EIF4E3: variants seen among roughly 807,000 people sequenced by gnomAD.
EIF4E3 encodes the protein eukaryotic translation initiation factor 4E type 3.
EIF4E3 carries 26 observed loss-of-function variants against 31.7 expected under a neutral mutation model. The observed-to-expected ratio is 0.82, with a 90% CI of 0.60 to 1.14. The LOEUF (loss-of-function observed/expected upper bound fraction) is 1.14, where lower values mean the gene tolerates loss of function less well. Among genes scored for constraint, EIF4E3 ranks in the 50% most tolerant of loss-of-function variants. The probability of loss-of-function intolerance (pLI) is 0.00; values close to 1 mark genes in which losing one functional copy is unlikely to be tolerated. For synonymous variants in EIF4E3, 128 were observed against 107.7 expected, an observed-to-expected ratio of 1.19 and a Z score of -1.17; for missense variants, 304 against 270.9, an observed-to-expected ratio of 1.12 and a Z score of -0.86.
Position 71,684,614 on chromosome 3 carries a change from T to G in EIF4E3, c.*68A>C, listed in dbSNP as rs1289471741. The G allele has an allele frequency of 6.3e-7, 1 of 1,592,174 alleles. No homozygotes were observed. Among genetic ancestry groups the G allele is most frequent in the East Asian group, 2.2e-5 (1 of 44,664 alleles). On this transcript the variant is annotated 3_prime_UTR_variant, in exon 7 of 7. Transcript: ENST00000425534. ...CGGCTTCGGCAAGTCTTCTCTTCAC[T>G]CTCCCTCCTGTTAAGACCGTTTCCA...
At chr3:71,750,182 G>A (rs1167712346) in intron 1 of EIF4E3, among the ~76,000 whole-genome samples, 2 of 152,088 alleles carry the variant, frequency 1.3e-5, no homozygotes, top group Non-Finnish European at 2.9e-5. Context: ...CCCCATTTGG[G>A]AGACATAATC....
At chr3:71,728,772 C>T (rs1450292933), upstream of EIF4E3, 2 of 152,310 alleles carry the variant, frequency 1.3e-5, no homozygotes, top group Non-Finnish European at 2.9e-5. Context: ...GTGTGGTCTG[C>T]TCCCCTGACA....
chr3:71,722,809 G>A (rs1208490102), intron 1 of EIF4E3, among the ~76,000 whole-genome samples: 1 of 152,178 alleles, frequency 6.6e-6, no homozygotes, highest in Non-Finnish European at 1.5e-5. Flanking sequence ...GGTAGCTGGG[G>A]AGCATGGTAA....
intron 1 of EIF4E3, among the ~76,000 whole-genome samples, chr3:71,715,521 A>G (rs2049451553): frequency 6.6e-6 from 1 of 152,234 alleles, no homozygotes; most frequent in African/African-American, 2.4e-5. Flanking sequence ...TGAGGGAGGA[A>G]CATACATGCT....
At chr3:71,726,964 C>T (rs542341907), upstream of EIF4E3, among the ~76,000 whole-genome samples, 8 of 152,222 alleles carry the variant, frequency 5.3e-5, no homozygotes, top group South Asian at 1.7e-3. Context: ...TCATTTAATC[C>T]TTACAATAAG....
the EIF4E3 span, among the ~76,000 whole-genome samples, chr3:71,662,456 G>A: frequency 1.3e-5 from 2 of 152,308 alleles, no homozygotes; most frequent in Admixed American, 1.3e-4. Flanking sequence ...CTCATATATT[G>A]AAAGTGCTAT....
intron 1 of EIF4E3, among the ~76,000 whole-genome samples, chr3:71,735,364 A>G (rs540560965): frequency 6.6e-6 from 1 of 152,330 alleles, no homozygotes; most frequent in South Asian, 2.1e-4. Context: ...ATATAAATCT[A>G]TTGATGCATA....
chr3:71,684,540 CT>C lies in EIF4E3; in HGVS notation c.*141del. The C allele has an allele frequency of 1.2e-6, 1 of 812,668 alleles. No homozygotes were observed. The highest frequency in any genetic ancestry group is 2.3e-5 in the South Asian group (1 of 43,658). The allele number at this position is 812,668 out of a possible 1,614,324, so 50.3% of individuals were successfully genotyped here. A position where few individuals can be genotyped will look rare whatever the true frequency, so the allele number is the denominator to read the frequency against. Reference sequence around the variant, plus strand: ...CCCACCCCACCTGCCACTTTGAGTCCTAATTGCCCATCTGCAAGGACAGAAA... The same window carrying C: ...CCCACCCCACCTGCCACTTTGAGTCCAATTGCCCATCTGCAAGGACAGAAA... On this transcript the variant is annotated 3_prime_UTR_variant, in exon 7 of 7. Coordinates refer to ENST00000425534, the MANE Select transcript of EIF4E3 (RefSeq NM_001134651.2).
chr3:71,673,267 T>C (rs372217148), downstream of EIF4E3, among the ~76,000 whole-genome samples: 4 of 152,230 alleles, frequency 2.6e-5, no homozygotes, highest in East Asian at 1.9e-4. Flanking sequence ...GCAATCTTTA[T>C]ACATTCCACA....
chr3:71,714,386 C>G (rs745506336), intron 1 of EIF4E3, among the ~76,000 whole-genome samples: 2 of 152,190 alleles, frequency 1.3e-5, no homozygotes, highest in South Asian at 2.1e-4. Context: ...TTCATAGAAA[C>G]TCAGTTTCCT....
chr3:71,691,409 C>T (rs1212440196), intron 5 of EIF4E3, among the ~76,000 whole-genome samples: 7 of 152,242 alleles, frequency 4.6e-5, no homozygotes, highest in Non-Finnish European at 8.8e-5. Context: ...TCTCTTTCTC[C>T]CCCTCTTCCT....
At chr3:71,660,159 T>C in the EIF4E3 span, among the ~76,000 whole-genome samples, 1,275 of 152,004 alleles carry the variant, frequency 8.4e-3, 17 homozygotes, top group African/African-American at 0.029. Flanking sequence ...GTGGGGGTGG[T>C]GTGAGCAGAA....
chr3:71,743,530 T>C (rs2049841807), intron 1 of EIF4E3, among the ~76,000 whole-genome samples: 1 of 152,128 alleles, frequency 6.6e-6, no homozygotes, highest in Non-Finnish European at 1.5e-5. Context: ...GAGAGTATTG[T>C]TAAGATGTCA....
chr3:71,716,050 C>T (rs2049459476), intron 1 of EIF4E3, among the ~76,000 whole-genome samples: 2 of 152,156 alleles, frequency 1.3e-5, no homozygotes, highest in Admixed American at 1.3e-4. Flanking sequence ...TCCGTGGGCC[C>T]ACCTACTGTT....
At chr3:71,707,478 T>C (rs529832914) in intron 2 of EIF4E3, among the ~76,000 whole-genome samples, 1 of 152,212 alleles carries the variant, frequency 6.6e-6, no homozygotes, top group African/African-American at 2.4e-5. Context: ...CATCTAACTT[T>C]CACTCTACCT....
chr3:71,713,927 T>G (rs905456367), intron 1 of EIF4E3, among the ~76,000 whole-genome samples: 1 of 152,068 alleles, frequency 6.6e-6, no homozygotes, highest in Admixed American at 6.6e-5. Context: ...AAAGGAGATA[T>G]GGGCTGGGCA....
At chr3:71,706,967 A>G (rs1469121740) in intron 2 of EIF4E3, among the ~76,000 whole-genome samples, 1 of 152,258 alleles carries the variant, frequency 6.6e-6, no homozygotes, top group Admixed American at 6.5e-5. Flanking sequence ...GGACACTCGC[A>G]GGCTGAAAAC....
chr3:71,694,913 A>G (rs2049114239), intron 4 of EIF4E3, among the ~76,000 whole-genome samples: 1 of 152,226 alleles, frequency 6.6e-6, no homozygotes, highest in African/African-American at 2.4e-5. Context: ...CCATGCCATA[A>G]ACAGCTGTGT....
chr3:71,740,507 G>A (rs1480547695), intron 1 of EIF4E3, among the ~76,000 whole-genome samples: 1 of 152,254 alleles, frequency 6.6e-6, no homozygotes, highest in Non-Finnish European at 1.5e-5. Flanking sequence ...GCCAAGGCAG[G>A]TGGATCGTTT....
Sources: gnomAD v4.1 joint callset for allele counts (sites outside exome capture counted in the v4.1 genomes callset) on GRCh38, gnomAD v4.1.1 for gene constraint, MANE v1.5 for transcripts, NCBI Gene and HGNC (gene_info 2026-07-23, HGNC 2026-07-21) for gene names.